RNF31: variants seen among roughly 807,000 people sequenced by gnomAD.
RNF31 encodes the protein ring finger protein 31.
A neutral mutation model predicts 133.6 loss-of-function variants in RNF31; 38 were observed. The observed-to-expected ratio is 0.28, with a 90% CI of 0.22 to 0.37. The LOEUF (loss-of-function observed/expected upper bound fraction) is 0.37. Ranked by LOEUF, RNF31 falls within the 10% of genes least tolerant of loss-of-function variation. The pLI, the probability that RNF31 is intolerant of heterozygous loss-of-function variation, is 1.00. For missense variants in RNF31, 1,118 were observed against 1,394.1 expected (o/e 0.80, Z 3.15); for synonymous variants, 582 against 552.3 (o/e 1.05, Z -0.75).
At position 24,157,420 on chromosome 14, in the gene RNF31, T is replaced by C. The variant is rs867498310; in HGVS notation, c.2608+16T>C. ...AACGGCATTGGTAAGGCCTCCCTAC[T>C]CGGCCTGTTTGCTCAGAAGCCTGTC... On this transcript the variant is annotated intron_variant, in intron 15 of 20. Coordinates refer to ENST00000324103, the MANE Select transcript of RNF31 (RefSeq NM_017999.5). 6.2e-7 allele frequency: 1 copy of C among 1,605,610 alleles called. No homozygotes were observed. The highest frequency in any genetic ancestry group is 1.7e-4 in the Middle Eastern group (1 of 6,034).
At position 24,157,951 on chromosome 14, in the gene RNF31, T is replaced by C. The variant is rs979976382; in HGVS notation, c.2781T>C (p.Pro927=). 2 of 1,613,964 alleles carry C rather than the reference T, an allele frequency of 1.2e-6. No homozygotes were observed. Among genetic ancestry groups the C allele is most frequent in the African/African-American group, 2.7e-5 (2 of 74,902 alleles). ...AAAAGTCCCTGCACGGCCACCACCC[T>C]CGAGACTGCCTCTTCTACCTGCGGG... ...RVKKSLHGHH[P]RDCLFYLRDW... Residue 927 remains proline (P), a synonymous_variant, in exon 17 of 21, where the codon CCT becomes CCC. Transcript: ENST00000324103.
In RNF31 at chr14:24,148,329, GC is replaced by G; in HGVS notation, c.412del (p.Gln138ArgfsTer59). 6.2e-7 allele frequency: 1 copy of G among 1,614,234 alleles called. No homozygotes were observed. The highest frequency in any genetic ancestry group is 8.5e-7 in the Non-Finnish European group (1 of 1,180,048). On this transcript the variant is annotated frameshift_variant, in exon 3 of 21. Coordinates refer to ENST00000324103, the MANE Select transcript of RNF31 (RefSeq NM_017999.5). LOFTEE classifies it high-confidence loss of function. ...CAGATGGGTTGAGCTTCCCCGAAGGGCAGGAGGAGCCAGATGAGCACCAGGT... is the reference window on the plus strand; with the variant it reads ...CAGATGGGTTGAGCTTCCCCGAAGGGAGGAGGAGCCAGATGAGCACCAGGT... ...QPDGLSFPEG[Q>X]EEPDEHQVAT...
chr14:24,159,806 C>G (rs561723453), intron 18 of RNF31, 58 bp from the exon 19 acceptor site: 6 of 1,395,728 alleles, frequency 4.3e-6, no homozygotes, highest in Admixed American at 3.4e-5. Flanking sequence ...TATCCCAGTT[C>G]TGGAGCTTTG....
In RNF31 at chr14:24,155,100, C is replaced by T; in HGVS notation, c.2131-57C>T. The T allele has an allele frequency of 6.4e-7, 1 of 1,564,202 alleles. No individual in the cohort carries two copies. The highest frequency in any genetic ancestry group is 1.3e-5 in the African/African-American group (1 of 74,192). Reference sequence around the variant, plus strand: ...AGTGGACACCTGGCCACTGCCTCTTCCCTAGCCTGGCAGCTGTGGCTTCTG... The same window carrying T: ...AGTGGACACCTGGCCACTGCCTCTTTCCTAGCCTGGCAGCTGTGGCTTCTG... On this transcript the variant is annotated intron_variant, in intron 11 of 20. Coordinates refer to ENST00000324103, the MANE Select transcript of RNF31 (RefSeq NM_017999.5). The surrounding 1 kb of genome is among the most constrained non-coding windows in gnomAD (Gnocchi z 4.9).
rs371618769 is a variant in RNF31 at position 24,155,419 on chromosome 14, C to T, written c.2310C>T (p.Arg770=). 26 of 1,614,068 alleles carry T rather than the reference C, an allele frequency of 1.6e-5. No homozygotes were observed. The East Asian group carries it at 3.3e-4, about 21-fold the overall frequency. Residue 770 remains arginine (R), a synonymous_variant, in exon 13 of 21, where the codon CGC becomes CGT. Transcript: ENST00000324103. The surrounding 1 kb of genome is among the most constrained non-coding windows in gnomAD (Gnocchi z 4.9). ...CCTCTGCATCCTGTCCCCAGCTTCG[C>T]GAGAGCCTAGAGCCAGATGCCTATG... ...SYFSTLDIQL[R]ESLEPDAYAL...
chr14:24,147,677 TG>T lies in RNF31; in HGVS notation c.-18del. 7.0e-7 allele frequency: 1 copy of T among 1,430,224 alleles called. No individual in the cohort carries two copies. Among genetic ancestry groups the T allele is most frequent in the Non-Finnish European group, 9.1e-7 (1 of 1,100,392 alleles). The allele number at this position is 1,430,224 out of a possible 1,614,324, so 88.6% of individuals were successfully genotyped here. On this transcript the variant is annotated 5_prime_UTR_variant, in exon 1 of 21. Coordinates refer to ENST00000324103, the MANE Select transcript of RNF31 (RefSeq NM_017999.5). ...GCCGGGTCCTGGCGGGCGGCGAGGC[TG>T]GGGCTGACTCCTGCCTCAGGATGCC... is the stretch of plus-strand genomic sequence containing the variant.
In RNF31 at chr14:24,155,528, A is replaced by G; in HGVS notation, c.2403+16A>G. On this transcript the variant is annotated intron_variant, in intron 13 of 20. Coordinates refer to ENST00000324103, the MANE Select transcript of RNF31 (RefSeq NM_017999.5). This position sits in a 1 kb window ranked among gnomAD's most constrained non-coding sequence, Gnocchi z 4.9. ...GTGTGCCCAGGTAAGTGGCCTGCCC[A>G]GGGCAGCTACTGTGGAGGGGCAGGG... 1 of 1,613,890 alleles carries G rather than the reference A, an allele frequency of 6.2e-7. No homozygotes were observed. The highest frequency in any genetic ancestry group is 8.5e-7 in the Non-Finnish European group (1 of 1,179,734).
At chr14:24,153,271 T>A (rs1251340635) in intron 11 of RNF31, among the ~76,000 whole-genome samples, 2 of 151,416 alleles carry the variant, frequency 1.3e-5, no homozygotes, top group African/African-American at 4.9e-5. Flanking sequence ...ATAACAAGAC[T>A]CCCATCTCTA....
chr14:24,160,414 C>T lies in RNF31; in HGVS notation c.3165+7C>T. ...CCAGGCCCGCTTGTTACAGGTATAGCCTCCACCCAGCCTCATCTCTTAACC... is the reference window on the plus strand; with the variant it reads ...CCAGGCCCGCTTGTTACAGGTATAGTCTCCACCCAGCCTCATCTCTTAACC... On this transcript the variant is annotated splice_region_variant and intron_variant, in intron 20 of 20. Coordinates refer to ENST00000324103, the MANE Select transcript of RNF31 (RefSeq NM_017999.5). This position sits in a 1 kb window ranked among gnomAD's most constrained non-coding sequence, Gnocchi z 4.0. The T allele has an allele frequency of 6.2e-7, 1 of 1,613,036 alleles. No individual in the cohort carries two copies. The highest frequency in any genetic ancestry group is 1.1e-5 in the South Asian group (1 of 91,032).
intron 11 of RNF31, among the ~76,000 whole-genome samples, chr14:24,152,714 C>T (rs1489293380): frequency 6.6e-6 from 1 of 152,248 alleles, no homozygotes; most frequent in Non-Finnish European, 1.5e-5. Flanking sequence ...AGTCTAACTA[C>T]TCTGACCTAG....
intron 11 of RNF31, among the ~76,000 whole-genome samples, chr14:24,152,921 A>T (rs2038287203): frequency 6.6e-6 from 1 of 151,658 alleles, no homozygotes; most frequent in Non-Finnish European, 1.5e-5. Context: ...CTGTACTAAA[A>T]ATGTAAAAAA....
chr14:24,151,993 G>A lies in RNF31; in HGVS notation c.2130+1G>A. 1 of 1,613,576 alleles carries A rather than the reference G, an allele frequency of 6.2e-7. No individual in the cohort carries two copies. Among genetic ancestry groups the A allele is most frequent in the Non-Finnish European group, 8.5e-7 (1 of 1,179,836 alleles). On this transcript the variant is annotated splice_donor_variant, in intron 11 of 20. Transcript: ENST00000324103. LOFTEE classifies it high-confidence loss of function. This position sits in a 1 kb window ranked among gnomAD's most constrained non-coding sequence, Gnocchi z 5.3. ...TGGCTGGGCCCTGCCCCACAACCGG[G>A]TAAGTCCCTCCCCACGATACCTGGT...
In RNF31 at chr14:24,151,703, A is replaced by T. The variant is rs746918030; in HGVS notation, c.1923+33A>T. On this transcript the variant is annotated intron_variant, in intron 10 of 20. Coordinates refer to ENST00000324103, the MANE Select transcript of RNF31 (RefSeq NM_017999.5). The surrounding 1 kb of genome is among the most constrained non-coding windows in gnomAD (Gnocchi z 5.3). ...GAGGAGGCAAGAAGCCCAAGGGTCC[A>T]CCTAGAGGAGCAAGAGGGAGCTGAG... is the stretch of plus-strand genomic sequence containing the variant. 3 of 1,606,740 alleles carry T rather than the reference A, an allele frequency of 1.9e-6. No homozygotes were observed. The highest frequency in any genetic ancestry group is 2.5e-6 in the Non-Finnish European group (3 of 1,178,174).
intron 6 of RNF31, 84 bp downstream of exon 6, chr14:24,149,667 C>G (rs2038233143): frequency 7.3e-7 from 1 of 1,372,808 alleles, no homozygotes; most frequent in Middle Eastern, 1.8e-4. Flanking sequence ...AGTTTCTGTG[C>G]TAAAGACTGT....
In RNF31 at chr14:24,150,112, G is replaced by A; in HGVS notation, c.861G>A (p.Leu287=). The A allele has an allele frequency of 6.2e-7, 1 of 1,605,004 alleles. No homozygotes were observed. Among genetic ancestry groups the A allele is most frequent in the South Asian group, 1.1e-5 (1 of 90,850 alleles). The change falls in exon 7 of 21, where the codon CTG becomes CTA. Residue 287 remains leucine (L), a synonymous_variant. Coordinates refer to ENST00000324103, the MANE Select transcript of RNF31 (RefSeq NM_017999.5). ...CCCAGTCGACCTCCCTGCTGGCCCT[G>A]GGAGACAGCTCTCTTTCTTCCCCTA... is the stretch of plus-strand genomic sequence containing the variant. ...PRPQSTSLLA[L]GDSSLSSPNP... is the part of the protein sequence containing the mutation.
Position 24,155,811 on chromosome 14 carries a change from C to T in RNF31, c.2493+119C>T. Reference sequence around the variant, plus strand: ...GACATGAGCTCTGAGGTCAAAAGAGCTTACAGACTACTCAGAAAGACTAGG... The same window carrying T: ...GACATGAGCTCTGAGGTCAAAAGAGTTTACAGACTACTCAGAAAGACTAGG... On this transcript the variant is annotated intron_variant, in intron 14 of 20. Coordinates refer to ENST00000324103, the MANE Select transcript of RNF31 (RefSeq NM_017999.5). This position sits in a 1 kb window ranked among gnomAD's most constrained non-coding sequence, Gnocchi z 4.9. 1.2e-6 allele frequency: 1 copy of T among 805,048 alleles called. No individual in the cohort carries two copies. Among genetic ancestry groups the T allele is most frequent in the Non-Finnish European group, 2.1e-6 (1 of 482,370 alleles). 49.9% of individuals were successfully genotyped at this position (805,048 alleles called of 1,614,324 possible). A position where few individuals can be genotyped will look rare whatever the true frequency, so the allele number is the denominator to read the frequency against.
chr14:24,155,765 T>A lies in RNF31; in HGVS notation c.2493+73T>A. ...GTACTGTGTTAGACTCAGGGGAGTT[T>A]GTGTACTGGAGAGCAAAACAGACAT... On this transcript the variant is annotated intron_variant, in intron 14 of 20. Transcript: ENST00000324103. This position sits in a 1 kb window ranked among gnomAD's most constrained non-coding sequence, Gnocchi z 4.9. 2 of 1,369,684 alleles carry A rather than the reference T, an allele frequency of 1.5e-6. No individual in the cohort carries two copies. Among genetic ancestry groups the A allele is most frequent in the East Asian group, 2.3e-5 (1 of 43,684 alleles). The allele number at this position is 1,369,684 out of a possible 1,614,324, so 84.8% of individuals were successfully genotyped here. A position where few individuals can be genotyped will look rare whatever the true frequency, so the allele number is the denominator to read the frequency against.
intron 11 of RNF31, among the ~76,000 whole-genome samples, chr14:24,152,882 C>T (rs1594378280): frequency 6.6e-6 from 1 of 151,986 alleles, no homozygotes; most frequent in African/African-American, 2.4e-5. Context: ...GAGATCGAGA[C>T]CATCCTGGCT....
chr14:24,151,215 C>T lies in RNF31; in HGVS notation c.1573C>T (p.Arg525Cys), dbSNP rs752991752. Residue 525 changes from arginine to cysteine, a missense_variant, in exon 9 of 21, where the codon CGC becomes TGC. Coordinates refer to ENST00000324103, the MANE Select transcript of RNF31 (RefSeq NM_017999.5). The surrounding 1 kb of genome is among the most constrained non-coding windows in gnomAD (Gnocchi z 5.3). ...SGTEVPLQWL[R>C]SELPYVLEMV... ...CACTGAGGTGCCTCTGCAGTGGTTG[C>T]GCTCAGAACTGCCCTACGTCCTGGA... is the stretch of plus-strand genomic sequence containing the variant. 54 of 1,614,052 alleles carry T rather than the reference C, an allele frequency of 3.3e-5. 1 individual carries two copies. Among genetic ancestry groups the T allele is most frequent in the South Asian group, 1.6e-4 (15 of 91,092 alleles).
Sources: gnomAD v4.1 joint callset for allele counts (sites outside exome capture counted in the v4.1 genomes callset) on GRCh38, gnomAD v4.1.1 for gene constraint, Gnocchi (gnomAD v3.1) non-coding constraint, MANE v1.5 for transcripts, NCBI Gene and HGNC (gene_info 2026-07-23, HGNC 2026-07-21) for gene names.